MSH3: variants seen among roughly 807,000 people sequenced by gnomAD.
MSH3 encodes the protein DNA mismatch repair protein Msh3.
In MSH3, 106 loss-of-function variants were observed where a neutral mutation model predicts 123.3. The ratio of observed to expected loss-of-function variants is 0.86; its 90% CI spans 0.73 to 1.01. The LOEUF (loss-of-function observed/expected upper bound fraction) is 1.01, where lower values mean the gene tolerates loss of function less well. Among genes scored for constraint, MSH3 ranks in the 50% least tolerant of loss-of-function variants. MSH3 has a pLI of 0.00. For missense variants in MSH3, 1,459 were observed against 1,347.6 expected (o/e 1.08, Z -1.29); for synonymous variants, 515 against 481.4 (o/e 1.07, Z -0.91).
At chr5:80,838,024 A>G (rs1314046087) in intron 20 of MSH3, among the ~76,000 whole-genome samples, 1 of 152,194 alleles carries the variant, frequency 6.6e-6, no homozygotes, top group African/African-American at 2.4e-5. Context: ...ATGACAGTGA[A>G]CTTCTTCAAA....
chr5:80,754,001 G>A (rs1241484379), intron 12 of MSH3, among the ~76,000 whole-genome samples: 3 of 152,178 alleles, frequency 2.0e-5, no homozygotes, highest in Non-Finnish European at 4.4e-5. Context: ...TCAAGGAATA[G>A]GAAGAAATGT....
chr5:80,676,223 G>A (rs1749836203), intron 7 of MSH3, among the ~76,000 whole-genome samples: 1 of 152,070 alleles, frequency 6.6e-6, no homozygotes, highest in African/African-American at 2.4e-5. Context: ...TAGAAATGGG[G>A]TTTCACCACG....
intron 17 of MSH3, among the ~76,000 whole-genome samples, chr5:80,783,147 G>A (rs1311905825): frequency 6.6e-6 from 1 of 152,124 alleles, no homozygotes. Context: ...AACTTCTCTA[G>A]TCATCATAAC....
chr5:80,854,349 A>G, intron 21 of MSH3, 33 bp downstream of exon 21: 1 of 1,565,416 alleles, frequency 6.4e-7, no homozygotes, highest in Non-Finnish European at 8.8e-7. Context: ...TTAAAAAGAA[A>G]TTAATTTGTA....
chr5:80,840,857 G>A (rs1745609143), intron 20 of MSH3, among the ~76,000 whole-genome samples: 1 of 147,220 alleles, frequency 6.8e-6, no homozygotes, highest in Admixed American at 6.9e-5. Context: ...TGGCTGCATA[G>A]TATTCCATGG....
chr5:80,821,377 C>T (rs1372163673), intron 20 of MSH3, among the ~76,000 whole-genome samples: 2 of 152,164 alleles, frequency 1.3e-5, no homozygotes, highest in Non-Finnish European at 1.5e-5. Context: ...AGTACAGCTA[C>T]TAATATAAAT....
intron 16 of MSH3, 115 bp downstream of exon 16, chr5:80,775,873 T>C (rs927655270): frequency 5.8e-6 from 4 of 688,690 alleles, no homozygotes; most frequent in African/African-American, 3.6e-5. Flanking sequence ...TCTTTTTACT[T>C]ATTTTTTCTG....
At chr5:80,690,144 T>C (rs6868774) in intron 8 of MSH3, among the ~76,000 whole-genome samples, 69,120 of 151,904 alleles carry the variant, frequency 0.46, 15,823 homozygotes, top group East Asian at 0.63. Flanking sequence ...GTCTCGAACT[T>C]CTGGCCTGAA....
At chr5:80,841,112 G>T (rs899512030) in intron 20 of MSH3, among the ~76,000 whole-genome samples, 8 of 151,844 alleles carry the variant, frequency 5.3e-5, no homozygotes, top group Non-Finnish European at 1.2e-4. Flanking sequence ...GTGTCCAAGT[G>T]TTCTCATTGT....
At chr5:80,823,986 CAT>C (rs1335354328) in intron 20 of MSH3, among the ~76,000 whole-genome samples, 16 of 152,312 alleles carry the variant, frequency 1.1e-4, no homozygotes, top group Admixed American at 1.0e-3. Flanking sequence ...GGACACAGCA[CAT>C]GTTTCAGAGA....
intron 12 of MSH3, among the ~76,000 whole-genome samples, chr5:80,757,015 G>T (rs1038134873): frequency 3.3e-5 from 5 of 152,032 alleles, no homozygotes; most frequent in Non-Finnish European, 5.9e-5. Context: ...TCAGTAAAAC[G>T]AAACCAAACA....
At chr5:80,692,932 GATAAATATACAT>G (rs1750346238) in intron 8 of MSH3, among the ~76,000 whole-genome samples, 3 of 25,810 alleles carry the variant, frequency 1.2e-4, no homozygotes, top group African/African-American at 4.7e-4. Flanking sequence ...TATATGTTTA[GATAAATATACAT>G]GCACATGTAT....
At position 80,701,464 on chromosome 5, in the gene MSH3, A is replaced by G. The variant is rs147315597; in HGVS notation, c.1340+22371A>G. 3.9e-3 allele frequency among the ~76,000 whole-genome samples: 587 copies of G among 152,322 alleles called. 4 individuals carry two copies. The highest frequency in any genetic ancestry group is 0.013 in the African/African-American group (547 of 41,564). ...TTTGATACTGGTGAGTTCACCTGCT[A>G]TCATTAAGGTGTAACCTGACAGCAA... is the stretch of plus-strand genomic sequence containing the variant. On this transcript the variant is annotated intron_variant, in intron 8 of 23. Coordinates refer to ENST00000265081, the MANE Select transcript of MSH3 (RefSeq NM_002439.5).
intron 20 of MSH3, among the ~76,000 whole-genome samples, chr5:80,822,739 G>A (rs1745222564): frequency 6.6e-6 from 1 of 152,206 alleles, no homozygotes; most frequent in African/African-American, 2.4e-5. Flanking sequence ...GAACCTAGAG[G>A]CACCACCCAC....
At chr5:80,714,783 A>G (rs1750925402) in intron 8 of MSH3, among the ~76,000 whole-genome samples, 1 of 152,224 alleles carries the variant, frequency 6.6e-6, no homozygotes, top group Admixed American at 6.5e-5. Flanking sequence ...TGTGGAGCTC[A>G]TGTAAGGTCA....
intron 12 of MSH3, among the ~76,000 whole-genome samples, chr5:80,760,629 A>C (rs191911698): frequency 6.6e-6 from 1 of 152,340 alleles, no homozygotes; most frequent in East Asian, 1.9e-4. Context: ...AAGGTAATGC[A>C]AGCTATCAGC....
At chr5:80,703,306 A>T (rs1184320969) in intron 8 of MSH3, among the ~76,000 whole-genome samples, 2 of 152,214 alleles carry the variant, frequency 1.3e-5, no homozygotes, top group Admixed American at 6.5e-5. Context: ...ATTACCTTAT[A>T]GGTAAGTATA....
intron 19 of MSH3, among the ~76,000 whole-genome samples, chr5:80,809,735 A>C (rs1744973376): frequency 6.6e-6 from 1 of 152,022 alleles, no homozygotes; most frequent in Non-Finnish European, 1.5e-5. Flanking sequence ...TTCACTTTCC[A>C]TTTTGTACTT....
intron 8 of MSH3, among the ~76,000 whole-genome samples, chr5:80,717,719 T>C (rs1750992954): frequency 6.6e-6 from 1 of 152,206 alleles, no homozygotes; most frequent in Admixed American, 6.5e-5. Flanking sequence ...GAGGTAAATA[T>C]GTCATTGTGG....
Sources: allele counts gnomAD v4.1 joint callset (sites outside exome capture counted in the v4.1 genomes callset), GRCh38; gene constraint gnomAD v4.1.1; transcripts MANE v1.5; gene names NCBI Gene and HGNC (gene_info 2026-07-23, HGNC 2026-07-21).